The following PDGFC variants were observed in gnomAD, a reference collection of about 807,000 sequenced individuals.
PDGFC encodes platelet derived growth factor C, also known as platelet-derived growth factor C.
In PDGFC, 12 loss-of-function variants were observed where a neutral mutation model predicts 35.5. That is an observed-to-expected ratio of 0.34 (90% CI 0.22 to 0.55). The LOEUF is 0.55. Ranked by LOEUF, PDGFC falls within the 20% of genes least tolerant of loss-of-function variation. PDGFC has a pLI of 0.91. For missense variants in PDGFC, 322 were observed against 412.4 expected (o/e 0.78, Z 1.90); for synonymous variants, 159 against 148.8 (o/e 1.07, Z -0.50).
chr4:156,942,770 C>T (rs975315946), intron 1 of PDGFC, among the ~76,000 whole-genome samples: 1 of 148,002 alleles, frequency 6.8e-6, no homozygotes, highest in African/African-American at 2.5e-5. Context: ...TGTATAATTA[C>T]AATATATAAT....
chr4:156,881,375 C>G (rs1579074472), intron 1 of PDGFC, among the ~76,000 whole-genome samples: 1 of 152,216 alleles, frequency 6.6e-6, no homozygotes, highest in African/African-American at 2.4e-5. Flanking sequence ...TTTTTATCTG[C>G]ACTGGAAAAT....
At chr4:156,856,694 G>A (rs895482633) in intron 1 of PDGFC, among the ~76,000 whole-genome samples, 4 of 152,056 alleles carry the variant, frequency 2.6e-5, no homozygotes, top group African/African-American at 7.2e-5. Context: ...TTATACAAAC[G>A]TGGCAGAAAA....
intron 1 of PDGFC, among the ~76,000 whole-genome samples, chr4:156,941,902 G>A (rs1427744221): frequency 6.6e-6 from 1 of 151,988 alleles, no homozygotes; most frequent in African/African-American, 2.4e-5. Flanking sequence ...AACAGAGGTG[G>A]CTTAGAAAAA....
intron 3 of PDGFC, among the ~76,000 whole-genome samples, chr4:156,809,824 T>C (rs1731882638): frequency 6.6e-6 from 1 of 151,928 alleles, no homozygotes; most frequent in African/African-American, 2.4e-5. Flanking sequence ...TAGACAGAAG[T>C]TCATTTAAAA....
chr4:156,917,389 C>T (rs948291047), intron 1 of PDGFC, among the ~76,000 whole-genome samples: 18 of 152,152 alleles, frequency 1.2e-4, no homozygotes, highest in African/African-American at 4.1e-4. Context: ...TGAGATAAGG[C>T]AGATGGGCTT....
intron 1 of PDGFC, among the ~76,000 whole-genome samples, chr4:156,898,818 T>C (rs1478419602): frequency 1.3e-5 from 2 of 152,154 alleles, no homozygotes; most frequent in East Asian, 1.9e-4. Context: ...CTACTACACC[T>C]GGCTAATTTT....
At chr4:156,945,334 T>TATAC (rs71602289) in intron 1 of PDGFC, among the ~76,000 whole-genome samples, 1,437 of 85,006 alleles carry the variant, frequency 0.017, 71 homozygotes, top group Non-Finnish European at 0.026. Context: ...TATATATACA[T>TATAC]ATACATACAT....
intron 1 of PDGFC, among the ~76,000 whole-genome samples, chr4:156,897,323 A>G (rs1000050092): frequency 6.8e-6 from 1 of 147,464 alleles, no homozygotes; most frequent in Admixed American, 7.0e-5. Context: ...ACAGAGAGAG[A>G]GAATATGAGA....
chr4:156,873,515 C>T (rs1368915531), intron 1 of PDGFC, among the ~76,000 whole-genome samples: 2 of 152,188 alleles, frequency 1.3e-5, no homozygotes, highest in African/African-American at 2.4e-5. Context: ...ATTCAGTATA[C>T]ATAAATCGCA....
intron 1 of PDGFC, among the ~76,000 whole-genome samples, chr4:156,859,442 A>G (rs1003450018): frequency 6.6e-6 from 1 of 152,138 alleles, no homozygotes; most frequent in African/African-American, 2.4e-5. Context: ...AGTGTTTACA[A>G]TTGCATACAT....
chr4:156,966,754 C>A (rs1039223796), intron 1 of PDGFC, among the ~76,000 whole-genome samples: 19 of 152,178 alleles, frequency 1.2e-4, no homozygotes, highest in South Asian at 2.1e-4. Context: ...CCAATCCCAT[C>A]CTCTATTTAC....
chr4:156,837,268 ACTTGG>A (rs1729085157), intron 2 of PDGFC, among the ~76,000 whole-genome samples: 2 of 152,170 alleles, frequency 1.3e-5, no homozygotes, highest in South Asian at 4.1e-4. Context: ...AATCCCACCT[ACTTGG>A]GAGGCTGAGG....
chr4:156,799,674 C>A (rs1167851424), intron 3 of PDGFC, among the ~76,000 whole-genome samples: 2 of 152,102 alleles, frequency 1.3e-5, no homozygotes, highest in Non-Finnish European at 2.9e-5. Context: ...TTGGCACTGA[C>A]AAGATTGCTA....
chr4:156,781,541 A>G (rs1391887346), intron 3 of PDGFC, among the ~76,000 whole-genome samples: 1 of 152,182 alleles, frequency 6.6e-6, no homozygotes, highest in Non-Finnish European at 1.5e-5. Flanking sequence ...CTTTGTACAG[A>G]TTTCACAAGC....
At chr4:156,936,757 T>G (rs1337255075) in intron 1 of PDGFC, among the ~76,000 whole-genome samples, 1 of 152,154 alleles carries the variant, frequency 6.6e-6, no homozygotes, top group African/African-American at 2.4e-5. Flanking sequence ...GGAAGAAGAA[T>G]GACAAATTAG....
intron 1 of PDGFC, among the ~76,000 whole-genome samples, chr4:156,875,748 T>C (rs1055719627): frequency 3.9e-5 from 6 of 152,032 alleles, no homozygotes; most frequent in African/African-American, 1.4e-4. Context: ...TGAAACCCCA[T>C]CTCTAATAAA....
chr4:156,874,912 T>C (rs1369268620), intron 1 of PDGFC, among the ~76,000 whole-genome samples: 1 of 151,956 alleles, frequency 6.6e-6, no homozygotes, highest in Non-Finnish European at 1.5e-5. Flanking sequence ...GAGAAGGGTT[T>C]TTGCCATGGT....
chr4:156,831,395 C>A (rs1728928019), intron 2 of PDGFC, among the ~76,000 whole-genome samples: 1 of 151,286 alleles, frequency 6.6e-6, no homozygotes, highest in Admixed American at 6.6e-5. Flanking sequence ...ATCCCTTGAG[C>A]CCAAGAGTTT....
chr4:156,958,935 T>C (rs1021702149), intron 1 of PDGFC, among the ~76,000 whole-genome samples: 1 of 152,106 alleles, frequency 6.6e-6, no homozygotes, highest in Non-Finnish European at 1.5e-5. Context: ...AGAGTGACAG[T>C]AACTATAAAT....
Sources: allele counts gnomAD v4.1 joint callset (sites outside exome capture counted in the v4.1 genomes callset), GRCh38; gene constraint gnomAD v4.1.1; transcripts MANE v1.5; gene names NCBI Gene and HGNC (gene_info 2026-07-23, HGNC 2026-07-21).